CAND1: variants seen among roughly 807,000 people sequenced by gnomAD.
CAND1 encodes the protein cullin associated and neddylation dissociated 1.
In CAND1, 7 loss-of-function variants were observed where a neutral mutation model predicts 108.5. That is an observed-to-expected ratio of 0.06 (90% CI 0.04 to 0.12). The LOEUF (loss-of-function observed/expected upper bound fraction) is 0.12. Among genes scored for constraint, CAND1 ranks in the 10% least tolerant of loss-of-function variants. CAND1 has a pLI of 1.00. For missense variants in CAND1, 941 were observed against 1,448.7 expected (o/e 0.65, Z 5.69); for synonymous variants, 534 against 512.0 (o/e 1.04, Z -0.58).
At chr12:67,292,880 T>A in intron 3 of CAND1, 104 bp downstream of exon 3, 1 of 1,019,098 alleles carries the variant, frequency 9.8e-7, no homozygotes. Flanking sequence ...TGGCTGTCCT[T>A]ACAGATGTTC....
Position 67,290,933 on chromosome 12 carries a change from T to C in CAND1, c.213-1689T>C, listed in dbSNP as rs566902602. On this transcript the variant is annotated intron_variant, in intron 2 of 14. Transcript: ENST00000545606. ...AGCACGAACCCTATTGTAAACTGTG[T>C]GTGCAAGGCATCTAGGTTGCATGCT... Among the ~76,000 whole-genome samples, 7 of 152,252 alleles carry C rather than the reference T, an allele frequency of 4.6e-5. No homozygotes were observed. In the South Asian group the frequency reaches 1.5e-3, roughly 32 times the overall value.
intron 4 of CAND1, 83 bp from the exon 5 acceptor site, chr12:67,297,324 G>A (rs2044778996): frequency 1.6e-6 from 2 of 1,250,660 alleles, no homozygotes; most frequent in Admixed American, 1.7e-5. Flanking sequence ...TATTTGCATT[G>A]AGGTCAGAGG....
chr12:67,289,752 G>A lies in CAND1; in HGVS notation c.213-2870G>A, dbSNP rs943519484. On this transcript the variant is annotated intron_variant, in intron 2 of 14. Coordinates refer to ENST00000545606, the MANE Select transcript of CAND1 (RefSeq NM_018448.5). ...TCCCAATTTTTATTATTTTATATTC[G>A]GTCTCTCCATGTATCTGCCATGTTT... 5.9e-5 allele frequency among the ~76,000 whole-genome samples: 9 copies of A among 151,614 alleles called. No individual in the cohort carries two copies. In the South Asian group the frequency reaches 8.4e-4, roughly 14 times the overall value.
rs1263525467 is a variant in CAND1, at chr12:67,306,314, C to T, written c.2646C>T (p.Ser882=). 3 of 1,614,032 alleles carry T rather than the reference C, an allele frequency of 1.9e-6. No homozygotes were observed. The highest frequency in any genetic ancestry group is 2.7e-5 in the African/African-American group (2 of 74,932). Residue 882 remains serine (S), a synonymous_variant, in exon 10 of 15, where the codon AGC becomes AGT. Transcript: ENST00000545606. ...VKSAASYALG[S]ISVGNLPEYL... is the part of the protein sequence containing the mutation. ...CAGCTGCATCCTATGCATTAGGCAGCATTAGTGTGGGCAACCTTCCTGAAT... is the reference window on the plus strand; with the variant it reads ...CAGCTGCATCCTATGCATTAGGCAGTATTAGTGTGGGCAACCTTCCTGAAT...
chr12:67,305,522 A>T lies in CAND1; in HGVS notation c.1854A>T (p.Arg618Ser). ...LPNTLQIFLE[R>S]LKNEITRLTT... ...ATACACTTCAGATTTTCTTGGAGAG[A>T]CTAAAGAATGAAATTACCAGGTTAA... Residue 618 changes from arginine to serine, a missense_variant, in exon 10 of 15, where the codon AGA becomes AGT. Around this residue, in one of 9 missense-constraint regions of CAND1, gnomAD observed 697 missense variants for 942.0 expected, o/e 0.74. Transcript: ENST00000545606. This position sits in a 1 kb window ranked among gnomAD's most constrained non-coding sequence, Gnocchi z 4.4. 1.2e-6 allele frequency: 2 copies of T among 1,614,036 alleles called. No individual in the cohort carries two copies. The highest frequency in any genetic ancestry group is 1.7e-6 in the Non-Finnish European group (2 of 1,180,004).
chr12:67,305,966 A>G lies in CAND1; in HGVS notation c.2298A>G (p.Gly766=). 6.2e-7 allele frequency: 1 copy of G among 1,614,164 alleles called. No individual in the cohort carries two copies. Among genetic ancestry groups the G allele is most frequent in the Non-Finnish European group, 8.5e-7 (1 of 1,180,016 alleles). ...LDFFQALVVT[G]TNNLGYMDLL... Reference sequence around the variant, plus strand: ...TTTTCCAAGCTCTGGTTGTCACTGGAACAAATAATTTAGGATACATGGATT... The same window carrying G: ...TTTTCCAAGCTCTGGTTGTCACTGGGACAAATAATTTAGGATACATGGATT... The change falls in exon 10 of 15, where the codon GGA becomes GGG. Residue 766 remains glycine (G), a synonymous_variant. Transcript: ENST00000545606. The surrounding 1 kb of genome is among the most constrained non-coding windows in gnomAD (Gnocchi z 4.4).
At position 67,291,452 on chromosome 12, in the gene CAND1, G is replaced by A. The variant is rs372423665; in HGVS notation, c.213-1170G>A. On this transcript the variant is annotated intron_variant, in intron 2 of 14. Transcript: ENST00000545606. ...AAAGGGTCAAAGTTGGCAAAGTGATGCAGGTTTAGTGTCCTTTATCTGAAA... is the reference window on the plus strand; with the variant it reads ...AAAGGGTCAAAGTTGGCAAAGTGATACAGGTTTAGTGTCCTTTATCTGAAA... Among the ~76,000 whole-genome samples, 14 of 152,176 alleles carry A rather than the reference G, an allele frequency of 9.2e-5. No individual in the cohort carries two copies. The East Asian group carries it at 1.3e-3, about 15-fold the overall frequency.
intron 10 of CAND1, 136 bp from the exon 11 acceptor site, chr12:67,307,261 A>G: frequency 6.3e-6 from 4 of 638,054 alleles, no homozygotes; most frequent in Non-Finnish European, 1.1e-5. Context: ...CATGTGTGCA[A>G]TAAGAAATAC....
Position 67,314,769 on chromosome 12 carries a change from C to T in CAND1, c.*1939C>T, listed in dbSNP as rs941807884. ...TTTTGCTTTGTTTTTGTCTCTTAAG[C>T]CAATTCATTTTTCTAACAGTTGAAA... On this transcript the variant is annotated 3_prime_UTR_variant, in exon 15 of 15. Coordinates refer to ENST00000545606, the MANE Select transcript of CAND1 (RefSeq NM_018448.5). The T allele has an allele frequency of 1.3e-5, 2 of 152,130 alleles. No individual in the cohort carries two copies. Among genetic ancestry groups the T allele is most frequent in the Non-Finnish European group, 2.9e-5 (2 of 68,018 alleles). 9.4% of individuals were successfully genotyped at this position (152,130 alleles called of 1,614,324 possible).
chr12:67,298,149 G>A (rs2044788098), intron 6 of CAND1, among the ~76,000 whole-genome samples: 2 of 152,144 alleles, frequency 1.3e-5, no homozygotes, highest in Non-Finnish European at 2.9e-5. Flanking sequence ...AGTCTGTACT[G>A]AAAGCCCAGC....
intron 1 of CAND1, chr12:67,270,657 G>A (rs374599270): frequency 8.0e-4 from 121 of 151,980 alleles, no homozygotes; most frequent in African/African-American, 2.8e-3. Flanking sequence ...TATGCATAGT[G>A]AAGATTTGTT....
chr12:67,305,733 A>G lies in CAND1; in HGVS notation c.2065A>G (p.Met689Val). The change falls in exon 10 of 15, where the codon ATG (methionine) becomes GTG (valine). Residue 689 changes from methionine (M) to valine (V), a missense_variant. By Grantham distance (21) the Met-to-Val change is conservative. Transcript: ENST00000545606. This position sits in a 1 kb window ranked among gnomAD's most constrained non-coding sequence, Gnocchi z 4.4. ...KNYSDSLTAA[M>V]IDAVLDELPP... ...CTATAGTGACAGCTTGACAGCTGCC[A>G]TGATTGATGCAGTTCTAGATGAGCT... 2 of 1,614,212 alleles carry G rather than the reference A, an allele frequency of 1.2e-6. No homozygotes were observed. Among genetic ancestry groups the G allele is most frequent in the Non-Finnish European group, 1.7e-6 (2 of 1,180,022 alleles).
intron 1 of CAND1, among the ~76,000 whole-genome samples, chr12:67,273,497 T>C (rs1474130851): frequency 6.7e-6 from 1 of 150,304 alleles, no homozygotes; most frequent in Admixed American, 6.6e-5. Context: ...TTTTTTTTTT[T>C]AGAGATAGGG....
intron 1 of CAND1, among the ~76,000 whole-genome samples, chr12:67,275,277 A>G (rs2044558277): frequency 6.6e-6 from 1 of 152,202 alleles, no homozygotes; most frequent in Non-Finnish European, 1.5e-5. Flanking sequence ...CTGTAATTCC[A>G]GCACTTTGGG....
In CAND1 at chr12:67,297,625, G is replaced by T. The variant is rs777755171; in HGVS notation, c.710G>T (p.Cys237Phe). The T allele has an allele frequency of 6.2e-7, 1 of 1,613,556 alleles. No individual in the cohort carries two copies. Among genetic ancestry groups the T allele is most frequent in the Non-Finnish European group, 8.5e-7 (1 of 1,179,576 alleles). ...SMSTTRTYIQ[C>F]IAAISRQAGH... Reference sequence around the variant, plus strand: ...TCAACAACAAGAACCTACATACAATGTATTGCTGCTATTAGTAGGCAAGCT... The same window carrying T: ...TCAACAACAAGAACCTACATACAATTTATTGCTGCTATTAGTAGGCAAGCT... The change falls in exon 5 of 15, where the codon TGT becomes TTT. Residue 237 changes from cysteine to phenylalanine, a missense_variant. By Grantham distance (205) the Cys-to-Phe change is radical (BLOSUM62 -2). Coordinates refer to ENST00000545606, the MANE Select transcript of CAND1 (RefSeq NM_018448.5).
chr12:67,301,512 TAGAA>T (rs1249818355), intron 7 of CAND1, among the ~76,000 whole-genome samples: 2 of 152,174 alleles, frequency 1.3e-5, no homozygotes, highest in African/African-American at 2.4e-5. Flanking sequence ...CTGATGGTGT[TAGAA>T]AGAAAGATTT....
intron 9 of CAND1, among the ~76,000 whole-genome samples, 175 bp from the exon 10 acceptor site, chr12:67,304,929 A>G (rs1473592207): frequency 2.0e-5 from 3 of 152,242 alleles, no homozygotes; most frequent in African/African-American, 4.8e-5. Context: ...GTAAAAGGTT[A>G]AAAGTCTCAC....
rs2044998768 is a variant in CAND1 at position 67,315,453 on chromosome 12, A to AAG, written c.*2624_*2625insGA. 1 of 150,690 alleles carries AAG rather than the reference A, an allele frequency of 6.6e-6. No individual in the cohort carries two copies. The highest frequency in any genetic ancestry group is 2.4e-5 in the African/African-American group (1 of 41,254). 9.3% of individuals were successfully genotyped at this position (150,690 alleles called of 1,614,324 possible). ...GCAACAGAGCGAGAGTCTGTCTCAAAAAAAAAAAAAAAAAAAAGGCAGGAA... is the reference window on the plus strand; with the variant it reads ...GCAACAGAGCGAGAGTCTGTCTCAAAAGAAAAAAAAAAAAAAAAAGGCAGGAA... On this transcript the variant is annotated 3_prime_UTR_variant, in exon 15 of 15. Transcript: ENST00000545606.
At position 67,305,099 on chromosome 12, in the gene CAND1, T is replaced by C; in HGVS notation, c.1436-5T>C. The C allele has an allele frequency of 6.2e-7, 1 of 1,601,660 alleles. No individual in the cohort carries two copies. The stretch of plus-strand genomic sequence containing the variant: ...CAATGATTGGATTTTTTGTTGGCTT[T>C]TTAGGAATCATTTTCTCACTGAATG... On this transcript the variant is annotated splice_polypyrimidine_tract_variant and splice_region_variant and intron_variant, in intron 9 of 14. Transcript: ENST00000545606. The surrounding 1 kb of genome is among the most constrained non-coding windows in gnomAD (Gnocchi z 4.4).
Sources: allele counts gnomAD v4.1 joint callset (sites outside exome capture counted in the v4.1 genomes callset), GRCh38; gene constraint gnomAD v4.1.1; regional missense constraint gnomAD v4.1.1; non-coding constraint Gnocchi (gnomAD v3.1); transcripts MANE v1.5; gene names NCBI Gene and HGNC (gene_info 2026-07-23, HGNC 2026-07-21).